STIM1: variants seen among roughly 807,000 people sequenced by gnomAD.
The protein encoded by STIM1 is stromal interaction molecule 1.
STIM1 carries 25 observed loss-of-function variants against 74.7 expected under a neutral mutation model. That is an observed-to-expected ratio of 0.33 (90% CI 0.24 to 0.47). The LOEUF (loss-of-function observed/expected upper bound fraction) is 0.47, where lower values mean the gene tolerates loss of function less well. Ranked by LOEUF, STIM1 falls within the 20% of genes least tolerant of loss-of-function variation. STIM1 has a pLI of 1.00. For synonymous variants in STIM1, 328 were observed against 348.8 expected (o/e 0.94, Z 0.66); for missense variants, 728 against 920.8 (o/e 0.79, Z 2.71).
In STIM1 at chr11:3,881,749, T is replaced by C. The variant is rs187128340; in HGVS notation, c.139+25340T>C. On this transcript the variant is annotated intron_variant, in intron 1 of 12. Transcript: ENST00000526596. ...CCCAGGCTGGAGTGCAGTGGTGTGC[T>C]TTCTGCTCACTGCAGCCTCCGACTC... Among the ~76,000 whole-genome samples the C allele has an allele frequency of 1.5e-3, 223 of 152,280 alleles. 1 individual carries two copies. The highest frequency in any genetic ancestry group is 4.7e-3 in the African/African-American group (197 of 41,542).
chr11:4,090,185 A>G lies in STIM1; in HGVS notation c.1635-1097A>G, dbSNP rs116472045. ...CATCTTCATTCCCACAATAATTTCT[A>G]CATTTCCAAGTGCTTTGCCAGCATA... On this transcript the variant is annotated intron_variant, in intron 12 of 12. Transcript: ENST00000526596. 3.2e-3 allele frequency among the ~76,000 whole-genome samples: 488 copies of G among 152,238 alleles called. 4 individuals are homozygous for G. Among genetic ancestry groups the G allele is most frequent in the African/African-American group, 0.011 (457 of 41,536 alleles).
intron 3 of STIM1, among the ~76,000 whole-genome samples, chr11:4,030,076 C>CT (rs928101058): frequency 2.0e-5 from 3 of 152,226 alleles, no homozygotes; most frequent in Admixed American, 2.0e-4. Context: ...GCCTGTAATC[C>CT]TAGCACTTTT....
At chr11:4,088,941 C>T (rs747280570) in intron 12 of STIM1, 54 of 551,324 alleles carry the variant, frequency 9.8e-5, no homozygotes, top group Admixed American at 1.1e-4. Context: ...CATAGAAGGA[C>T]AGGAATCAGG....
chr11:3,935,184 A>G (rs1200778957), intron 1 of STIM1, among the ~76,000 whole-genome samples: 2 of 152,198 alleles, frequency 1.3e-5, no homozygotes. Context: ...GAAACAAGTC[A>G]TCTTACCCGT....
chr11:4,086,924 TCTGC>T lies in STIM1; in HGVS notation c.1634+387_1634+390del, dbSNP rs1415171869. The T allele has an allele frequency of 3.4e-5, 50 of 1,489,288 alleles. No individual in the cohort carries two copies. The East Asian group carries it at 9.4e-4, about 28-fold the overall frequency. The allele number at this position is 1,489,288 out of a possible 1,614,324, so 92.3% of individuals were successfully genotyped here. A position where few individuals can be genotyped will look rare whatever the true frequency, so the allele number is the denominator to read the frequency against. ...CCTTTCTGCTGCTTTTACCTTGGTT[TCTGC>T]CTGCCAGCTGCTGCTTGATCAACTC... On this transcript the variant is annotated intron_variant, in intron 12 of 12. Transcript: ENST00000526596.
Position 3,927,307 on chromosome 11 carries a change from G to T in STIM1, c.140-40245G>T, listed in dbSNP as rs180741683. 1.5e-3 allele frequency among the ~76,000 whole-genome samples: 235 copies of T among 152,264 alleles called. 1 individual carries two copies. Among genetic ancestry groups the T allele is most frequent in the African/African-American group, 5.4e-3 (226 of 41,554 alleles). Reference sequence around the variant, plus strand: ...TCACATATACTGGATGCCCTATGTTGTTAATGACCTGTACATTTTCTACCT... The same window carrying T: ...TCACATATACTGGATGCCCTATGTTTTTAATGACCTGTACATTTTCTACCT... On this transcript the variant is annotated intron_variant, in intron 1 of 12. Transcript: ENST00000526596.
At chr11:3,900,081 C>CA (rs1480851973) in intron 1 of STIM1, among the ~76,000 whole-genome samples, 1 of 152,110 alleles carries the variant, frequency 6.6e-6, no homozygotes, top group African/African-American at 2.4e-5. Flanking sequence ...GGAATAGTTT[C>CA]AGAAGGAATG....
rs749540812 is a variant in STIM1 at position 3,967,640 on chromosome 11, C to T, written c.228C>T (p.Asp76=). ...TCCGTAACATCCACAAACTGATGGA[C>T]GATGATGCCAATGGTGATGTGGATG... ...EAVRNIHKLM[D]DDANGDVDVE... The change falls in exon 2 of 13, where the codon GAC becomes GAT. Residue 76 remains aspartate, a synonymous_variant. Coordinates refer to ENST00000526596, the MANE Select transcript of STIM1 (RefSeq NM_001382567.1). The T allele has an allele frequency of 6.2e-6, 10 of 1,614,070 alleles. No individual in the cohort carries two copies. The highest frequency in any genetic ancestry group is 2.2e-5 in the East Asian group (1 of 44,900).
intron 1 of STIM1, among the ~76,000 whole-genome samples, chr11:3,878,808 G>A (rs2135308791): frequency 6.6e-6 from 1 of 152,286 alleles, no homozygotes. Context: ...TAGCTGCAGT[G>A]GGTTCCTATT....
At chr11:3,972,044 G>A (rs2093401065) in intron 2 of STIM1, among the ~76,000 whole-genome samples, 2 of 151,520 alleles carry the variant, frequency 1.3e-5, no homozygotes, top group South Asian at 4.1e-4. Context: ...TGGAAGGCTG[G>A]TTAATTTTCC....
chr11:4,012,897 C>G (rs550704400), intron 2 of STIM1, among the ~76,000 whole-genome samples: 1 of 152,224 alleles, frequency 6.6e-6, no homozygotes, highest in East Asian at 1.9e-4. Flanking sequence ...GAGATATGTT[C>G]CATCAATACC....
intron 2 of STIM1, among the ~76,000 whole-genome samples, chr11:4,002,552 A>C (rs1367237903): frequency 2.0e-5 from 3 of 149,414 alleles, no homozygotes; most frequent in Non-Finnish European, 4.5e-5. Context: ...GAACAAAGAC[A>C]CAACATACCA....
In STIM1 at chr11:4,089,003, C is replaced by T. The variant is rs114257740; in HGVS notation, c.1635-2279C>T. 925 of 391,942 alleles carry T rather than the reference C, an allele frequency of 2.4e-3. 4 individuals carry two copies. The highest frequency in any genetic ancestry group is 0.017 in the African/African-American group (824 of 48,804). The allele number at this position is 391,942 out of a possible 1,614,324, so 24.3% of individuals were successfully genotyped here. A position where few individuals can be genotyped will look rare whatever the true frequency, so the allele number is the denominator to read the frequency against. The stretch of plus-strand genomic sequence containing the variant: ...TCCTAGCACTTTGGGAGGCCGAGAG[C>T]GGAGGACTGCTTAAGCCCAGGAGTT... On this transcript the variant is annotated intron_variant, in intron 12 of 12. Transcript: ENST00000526596.
chr11:4,035,546 G>A (rs1429672421), intron 3 of STIM1, among the ~76,000 whole-genome samples: 1 of 151,104 alleles, frequency 6.6e-6, no homozygotes, highest in Admixed American at 6.6e-5. Flanking sequence ...TTTTGACTTA[G>A]CTCAAAATAT....
intron 1 of STIM1, among the ~76,000 whole-genome samples, chr11:3,963,472 A>G (rs1040773187): frequency 2.0e-5 from 3 of 152,192 alleles, no homozygotes; most frequent in Admixed American, 2.0e-4. Flanking sequence ...TAAATATTAA[A>G]CAGTTCTTTG....
chr11:3,953,734 A>G (rs2093177177), intron 1 of STIM1, among the ~76,000 whole-genome samples: 1 of 150,400 alleles, frequency 6.6e-6, no homozygotes. Context: ...TTCCCATTCT[A>G]TGCCAGGAGT....
intron 1 of STIM1, among the ~76,000 whole-genome samples, chr11:3,926,408 A>G (rs569768536): frequency 1.5e-4 from 23 of 152,340 alleles, no homozygotes; most frequent in African/African-American, 4.6e-4. Flanking sequence ...TTTAAGATTA[A>G]AAACAATTAT....
intron 2 of STIM1, among the ~76,000 whole-genome samples, chr11:4,000,805 T>C (rs2135905206): frequency 6.6e-6 from 1 of 152,172 alleles, no homozygotes; most frequent in Non-Finnish European, 1.5e-5. Flanking sequence ...AGGAGGAAAT[T>C]CAAACCAAAG....
intron 1 of STIM1, among the ~76,000 whole-genome samples, chr11:3,865,719 GAGCTGTTC>G (rs1429327479): frequency 6.6e-6 from 1 of 152,168 alleles, no homozygotes; most frequent in Non-Finnish European, 1.5e-5. Context: ...TCTCACCACT[GAGCTGTTC>G]AGCTGGCTCC....
Sources: gnomAD v4.1 joint callset for allele counts (sites outside exome capture counted in the v4.1 genomes callset) on GRCh38, gnomAD v4.1.1 for gene constraint, MANE v1.5 for transcripts, NCBI Gene and HGNC (gene_info 2026-07-23, HGNC 2026-07-21) for gene names.